Variants in RARB observed in about 807,000 individuals in gnomAD.
RARB encodes HBV-activated protein.
A neutral mutation model predicts 51.9 loss-of-function variants in RARB; 17 were observed. That is an observed-to-expected ratio of 0.33 (90% CI 0.22 to 0.49). The LOEUF is 0.49. Ranked by LOEUF, RARB falls within the 20% of genes least tolerant of loss-of-function variation. The pLI, the probability that RARB is intolerant of heterozygous loss-of-function variation, is 0.99. For synonymous variants in RARB, 215 were observed against 195.4 expected, an observed-to-expected ratio of 1.10 and a Z score of -0.84; for missense variants, 369 against 550.8, an observed-to-expected ratio of 0.67 and a Z score of 3.30.
chr3:25,594,476 G>GC, intron 6 of RARB, 44 bp from the exon 7 acceptor site: 1 of 1,543,454 alleles, frequency 6.5e-7, no homozygotes, highest in Non-Finnish European at 8.7e-7. Flanking sequence ...GGGGAAAAGG[G>GC]CATAAATCCT....
intron 1 of RARB, among the ~76,000 whole-genome samples, chr3:25,459,158 A>G (rs1264625642): frequency 6.6e-6 from 1 of 152,206 alleles, no homozygotes; most frequent in Admixed American, 6.5e-5. Flanking sequence ...AGTGAGACAG[A>G]GTGACCAGGA....
At position 24,962,972 on chromosome 3, in the gene RARB, A is replaced by G. The variant is rs543016003; in HGVS notation, c.-379-97153A>G. ...AATTTGCCGAAGTCACCCATCCATA[A>G]TTTAATCCCTTCAGCCTGCCTACAG... On this transcript the variant is annotated intron_variant, in intron 2 of 11. Transcript: ENST00000383772. Among the ~76,000 whole-genome samples the G allele has an allele frequency of 5.5e-4, 83 of 152,252 alleles. 1 individual carries two copies. Among genetic ancestry groups the G allele is most frequent in the African/African-American group, 1.9e-3 (79 of 41,556 alleles).
At chr3:25,285,036 C>A (rs1283816128) in intron 5 of RARB, among the ~76,000 whole-genome samples, 1 of 152,162 alleles carries the variant, frequency 6.6e-6, no homozygotes, top group Non-Finnish European at 1.5e-5. Context: ...CATTTATTCC[C>A]TCTCTTACTC....
intron 5 of RARB, among the ~76,000 whole-genome samples, chr3:25,189,854 C>A (rs954817243): frequency 5.9e-5 from 9 of 152,096 alleles, no homozygotes; most frequent in African/African-American, 1.9e-4. Flanking sequence ...TACTGCACTC[C>A]AGCCTGGATG....
In RARB at chr3:25,440,226, C is replaced by A. The variant is rs568142852; in HGVS notation, c.157+11338C>A. ...AGCACTTCAGGAGGCCCGAGGCAGG[C>A]AGATCACTTGAGCCTAGGCACTTGA... is the stretch of plus-strand genomic sequence containing the variant. On this transcript the variant is annotated intron_variant, in intron 1 of 7. Transcript: ENST00000330688. Among the ~76,000 whole-genome samples, 16 of 151,798 alleles carry A rather than the reference C, an allele frequency of 1.1e-4. No homozygotes were observed. The East Asian group carries it at 1.2e-3, about 11-fold the overall frequency.
Position 25,369,257 on chromosome 3 carries a change from G to A in RARB, c.179-91936G>A, listed in dbSNP as rs185846397. Among the ~76,000 whole-genome samples, 49 of 152,202 alleles carry A rather than the reference G, an allele frequency of 3.2e-4. No homozygotes were observed. The East Asian group carries it at 7.3e-3, about 23-fold the overall frequency. Reference sequence around the variant, plus strand: ...CTTATTTTATATATGACACTGTAAGGCATTGGGCACACAGAAAGTGTGAGC... The same window carrying A: ...CTTATTTTATATATGACACTGTAAGACATTGGGCACACAGAAAGTGTGAGC... On this transcript the variant is annotated intron_variant, in intron 5 of 11. Coordinates refer to the RARB transcript ENST00000383772.
chr3:25,470,936 C>T (rs934849538), intron 2 of RARB, among the ~76,000 whole-genome samples: 6 of 152,158 alleles, frequency 3.9e-5, no homozygotes, highest in South Asian at 2.1e-4. Context: ...GCTAGGGAGG[C>T]GGCACATAGT....
At chr3:25,157,624 T>A (rs958607784) in intron 4 of RARB, among the ~76,000 whole-genome samples, 1 of 152,162 alleles carries the variant, frequency 6.6e-6, no homozygotes. Flanking sequence ...CTCAAACTCC[T>A]GGCCTCAAGC....
At chr3:24,878,265 AACTTTCTTTT>A (rs1703087362) in intron 2 of RARB, among the ~76,000 whole-genome samples, 1 of 150,168 alleles carries the variant, frequency 6.7e-6, no homozygotes, top group African/African-American at 2.5e-5. Context: ...CATTTTTTTA[AACTTTCTTTT>A]ACTTTAGGTG....
chr3:25,306,150 C>T (rs1704147376), intron 5 of RARB, among the ~76,000 whole-genome samples: 4 of 152,102 alleles, frequency 2.6e-5, no homozygotes, highest in Non-Finnish European at 5.9e-5. Flanking sequence ...TCCAGTGCCC[C>T]ATTTTTGGAG....
At chr3:25,556,257 A>G (rs1183731683) in intron 3 of RARB, among the ~76,000 whole-genome samples, 1 of 152,190 alleles carries the variant, frequency 6.6e-6, no homozygotes, top group Non-Finnish European at 1.5e-5. Flanking sequence ...GGGATGATCT[A>G]TTTATATTGA....
At chr3:25,296,752 C>T (rs970111208) in intron 5 of RARB, among the ~76,000 whole-genome samples, 11 of 152,106 alleles carry the variant, frequency 7.2e-5, no homozygotes, top group Admixed American at 3.9e-4. Context: ...ACCCATGAAC[C>T]GGTCCATGTA....
At chr3:25,153,529 C>G (rs1013999299) in intron 4 of RARB, among the ~76,000 whole-genome samples, 1 of 152,144 alleles carries the variant, frequency 6.6e-6, no homozygotes, top group African/African-American at 2.4e-5. Context: ...GTTGGAAAGT[C>G]TCGCCTAGAG....
At chr3:24,987,552 A>G (rs191150135) in intron 2 of RARB, among the ~76,000 whole-genome samples, 1 of 152,368 alleles carries the variant, frequency 6.6e-6, no homozygotes, top group African/African-American at 2.4e-5. Flanking sequence ...CCTTGGGGCA[A>G]CATTAGAAAT....
chr3:25,091,755 A>T (rs1699203500), intron 3 of RARB, among the ~76,000 whole-genome samples: 1 of 152,178 alleles, frequency 6.6e-6, no homozygotes, highest in African/African-American at 2.4e-5. Flanking sequence ...AAAAAGACAA[A>T]AAATATCTAT....
chr3:25,119,000 A>C (rs1356551039), intron 3 of RARB, among the ~76,000 whole-genome samples: 1 of 152,206 alleles, frequency 6.6e-6, no homozygotes, highest in East Asian at 1.9e-4. Context: ...TCCCAGTATA[A>C]GCTGAAAAAA....
chr3:25,442,107 T>TAATTTTA (rs1559404198), intron 1 of RARB, among the ~76,000 whole-genome samples: 1 of 146,680 alleles, frequency 6.8e-6, no homozygotes, highest in Non-Finnish European at 1.5e-5. Flanking sequence ...CTTTTTAATT[T>TAATTTTA]TATTTTATTT....
At position 25,180,088 on chromosome 3, in the gene RARB, A is replaced by G. The variant is rs559767368; in HGVS notation, c.178+5513A>G. ...CTACAATGCCCAAAGGAGTGTCTCA[A>G]TTGTGGAAGTATGTCCCTAAGTAGA... On this transcript the variant is annotated intron_variant, in intron 5 of 11. Coordinates refer to the RARB transcript ENST00000383772. Among the ~76,000 whole-genome samples the G allele has an allele frequency of 6.6e-5, 10 of 152,286 alleles. No individual in the cohort carries two copies. In the East Asian group the frequency reaches 9.7e-4, roughly 15 times the overall value.
At position 25,569,991 on chromosome 3, in the gene RARB, C is replaced by G. The variant is rs996836222; in HGVS notation, c.609+73C>G. The G allele has an allele frequency of 3.8e-5, 34 of 889,174 alleles. No individual in the cohort carries two copies. In the Admixed American group the frequency reaches 1.3e-3, roughly 34 times the overall value. The allele number at this position is 889,174 out of a possible 1,614,324, so 55.1% of individuals were successfully genotyped here. A position where few individuals can be genotyped will look rare whatever the true frequency, so the allele number is the denominator to read the frequency against. Reference sequence around the variant, plus strand: ...ACGTGCATGTGTGCAGACACACACACACACACACACACACACACACACACA... The same window carrying G: ...ACGTGCATGTGTGCAGACACACACAGACACACACACACACACACACACACA... On this transcript the variant is annotated intron_variant, in intron 4 of 7. Transcript: ENST00000330688.
Sources: allele counts gnomAD v4.1 joint callset (sites outside exome capture counted in the v4.1 genomes callset), GRCh38; gene constraint gnomAD v4.1.1; transcripts MANE v1.5; gene names NCBI Gene and HGNC (gene_info 2026-07-23, HGNC 2026-07-21).